SGSM3: variants seen among roughly 807,000 people sequenced by gnomAD.
SGSM3 encodes small G protein signaling modulator 3, also known as RUN and SH3 containing 3.
A neutral mutation model predicts 100.5 loss-of-function variants in SGSM3; 96 were observed. The observed-to-expected ratio is 0.96, with a 90% CI of 0.81 to 1.13. The LOEUF is 1.13. Ranked by LOEUF, SGSM3 falls within the 50% of genes most tolerant of loss-of-function variation. The probability of loss-of-function intolerance (pLI) is 0.00; values close to 1 mark genes in which losing one functional copy is unlikely to be tolerated. For missense variants in SGSM3, 1,001 were observed against 1,015.8 expected (o/e 0.99, Z 0.20); for synonymous variants, 483 against 422.8 (o/e 1.14, Z -1.75).
intron 1 of SGSM3, among the ~76,000 whole-genome samples, chr22:40,377,110 A>G (rs902137607): frequency 2.6e-5 from 4 of 152,198 alleles, no homozygotes; most frequent in African/African-American, 9.7e-5. Flanking sequence ...TAGTAGACAT[A>G]AGTTGTTTTG....
At chr22:40,406,323 C>G in intron 9 of SGSM3, 100 bp downstream of exon 9, 1 of 1,540,264 alleles carries the variant, frequency 6.5e-7, no homozygotes, top group Non-Finnish European at 8.8e-7. Flanking sequence ...GCCCCCTGGC[C>G]CCTGACAACT....
At position 40,409,997 on chromosome 22, in the gene SGSM3, T is replaced by TGAGGAGGTG; in HGVS notation, c.*240_*248dup. 1 of 1,330,036 alleles carries TGAGGAGGTG rather than the reference T, an allele frequency of 7.5e-7. No individual in the cohort carries two copies. Among genetic ancestry groups the TGAGGAGGTG allele is most frequent in the Non-Finnish European group, 9.6e-7 (1 of 1,046,052 alleles). 82.4% of individuals were successfully genotyped at this position (1,330,036 alleles called of 1,614,324 possible). On this transcript the variant is annotated 3_prime_UTR_variant, in exon 22 of 22. Transcript: ENST00000248929. ...ACCACAGTTTGTACCAAAAACCTTG[T>TGAGGAGGTG]GAGGAGGTGGGGGAGCCATGTCTGT...
At position 40,409,868 on chromosome 22, in the gene SGSM3, T is replaced by TATC; in HGVS notation, c.*111_*113dup. On this transcript the variant is annotated 3_prime_UTR_variant, in exon 22 of 22. Coordinates refer to ENST00000248929, the MANE Select transcript of SGSM3 (RefSeq NM_015705.6). The stretch of plus-strand genomic sequence containing the variant: ...CAGAGCCCTGGCCGGGGCCGCGGGA[T>TATC]ATCAATATCAGGCTGCCCCACTCCA... The TATC allele has an allele frequency of 6.8e-7, 1 of 1,466,116 alleles. No homozygotes were observed. The highest frequency in any genetic ancestry group is 1.4e-5 in the South Asian group (1 of 71,184). 90.8% of individuals were successfully genotyped at this position (1,466,116 alleles called of 1,614,324 possible). A position where few individuals can be genotyped will look rare whatever the true frequency, so the allele number is the denominator to read the frequency against.
chr22:40,381,444 C>T (rs375495692), intron 1 of SGSM3, among the ~76,000 whole-genome samples: 157 of 152,234 alleles, frequency 1.0e-3, no homozygotes, highest in Non-Finnish European at 1.9e-3. Context: ...CCACCATGCC[C>T]GGCTACAAGG....
Position 40,407,346 on chromosome 22 carries a change from T to C in SGSM3, c.1368+18T>C, listed in dbSNP as rs777504237. ...GCAGCGTGGTGAGTCGCCAGCTCCCTGGGCTGCTACCAAACACGGCCCTAA... is the reference window on the plus strand; with the variant it reads ...GCAGCGTGGTGAGTCGCCAGCTCCCCGGGCTGCTACCAAACACGGCCCTAA... On this transcript the variant is annotated intron_variant, in intron 12 of 21. Transcript: ENST00000248929. The surrounding 1 kb of genome is among the most constrained non-coding windows in gnomAD (Gnocchi z 4.7). The C allele has an allele frequency of 3.7e-6, 6 of 1,613,210 alleles. No homozygotes were observed. The highest frequency in any genetic ancestry group is 5.1e-6 in the Non-Finnish European group (6 of 1,179,780).
intron 4 of SGSM3, 103 bp from the exon 5 acceptor site, chr22:40,404,144 T>C: frequency 1.0e-6 from 1 of 974,144 alleles, no homozygotes; most frequent in East Asian, 2.6e-5. Flanking sequence ...AGAGCTGGCC[T>C]AGAGCCATGA....
rs1429527065 is a variant in SGSM3 at position 40,410,077 on chromosome 22, T to TTTATAAATAAACTGTGTCTGTC, written c.*321_*342dup. The TTTATAAATAAACTGTGTCTGTC allele has an allele frequency of 1.9e-3, 2,303 of 1,241,576 alleles. 5 individuals are homozygous for TTTATAAATAAACTGTGTCTGTC. The highest frequency in any genetic ancestry group is 2.2e-3 in the Non-Finnish European group (2,166 of 992,866). The allele number at this position is 1,241,576 out of a possible 1,614,324, so 76.9% of individuals were successfully genotyped here. A position where few individuals can be genotyped will look rare whatever the true frequency, so the allele number is the denominator to read the frequency against. On this transcript the variant is annotated 3_prime_UTR_variant, in exon 22 of 22. Coordinates refer to ENST00000248929, the MANE Select transcript of SGSM3 (RefSeq NM_015705.6). ...GCTAGTAGGCTCCTGGCCTCTTTGGTTTATAAATAAACTGTGTCTGTCTTT... is the reference window on the plus strand; with the variant it reads ...GCTAGTAGGCTCCTGGCCTCTTTGGTTTATAAATAAACTGTGTCTGTCTTATAAATAAACTGTGTCTGTCTTT...
At chr22:40,390,986 TA>T (rs1185612188) in intron 1 of SGSM3, among the ~76,000 whole-genome samples, 1 of 152,194 alleles carries the variant, frequency 6.6e-6, no homozygotes, top group Non-Finnish European at 1.5e-5. Flanking sequence ...CACATGTACA[TA>T]AATTATAGTA....
chr22:40,406,974 C>T (rs767035707), intron 10 of SGSM3, 43 bp from the exon 11 acceptor site: 4 of 1,549,246 alleles, frequency 2.6e-6, no homozygotes, highest in Admixed American at 2.0e-5. Flanking sequence ...GGTTCTCTTC[C>T]TCCCGGGGCC....
At chr22:40,405,590 C>T (rs1384664908) in intron 7 of SGSM3, 59 bp from the exon 8 acceptor site, 2 of 1,506,194 alleles carry the variant, frequency 1.3e-6, no homozygotes, top group Non-Finnish European at 1.8e-6. Flanking sequence ...GGTAGGGGCA[C>T]CTTTTCTAAT....
chr22:40,408,498 T>C, intron 16 of SGSM3, 69 bp downstream of exon 16: 1 of 1,600,496 alleles, frequency 6.2e-7, no homozygotes, highest in Non-Finnish European at 8.5e-7. Flanking sequence ...GTACCCATCT[T>C]AGGTCCTTCC....
intron 1 of SGSM3, chr22:40,379,264 T>A (rs5757933): frequency 6.6e-6 from 1 of 152,256 alleles, no homozygotes; most frequent in African/African-American, 2.4e-5. Context: ...CATATGTTGA[T>A]TGAATGAGTA....
intron 1 of SGSM3, chr22:40,378,168 G>T (rs2046968574): frequency 6.6e-6 from 1 of 152,242 alleles, no homozygotes; most frequent in African/African-American, 2.4e-5. Flanking sequence ...GGTGGCTCAT[G>T]CCTGTAATTC....
chr22:40,406,859 A>G, intron 10 of SGSM3, 158 bp from the exon 11 acceptor site: 1 of 906,024 alleles, frequency 1.1e-6, no homozygotes, highest in Non-Finnish European at 1.7e-6. Context: ...TGATCCTGGC[A>G]CGGTTTGGGA....
chr22:40,406,457 C>CA lies in SGSM3; in HGVS notation c.981dup (p.Glu328ArgfsTer90), dbSNP rs754440220. 316 of 1,590,960 alleles carry CA rather than the reference C, an allele frequency of 2.0e-4. No individual in the cohort carries two copies. Among genetic ancestry groups the CA allele is most frequent in the Admixed American group, 1.7e-4 (10 of 58,838 alleles). ...GCCCAGGAGGAAGAGCTGATCCAGT[C>CA]AGAGAACTCGGCCTCCATCTTCAAC... On this transcript the variant is annotated frameshift_variant, in exon 10 of 22. Coordinates refer to ENST00000248929, the MANE Select transcript of SGSM3 (RefSeq NM_015705.6). LOFTEE classifies it high-confidence loss of function.
intron 1 of SGSM3, among the ~76,000 whole-genome samples, chr22:40,386,500 A>C (rs2048465806): frequency 6.7e-6 from 1 of 149,354 alleles, no homozygotes; most frequent in African/African-American, 2.5e-5. Flanking sequence ...TAGAAATCAG[A>C]GACTTCTGGT....
At chr22:40,406,249 G>C in intron 9 of SGSM3, 26 bp downstream of exon 9, 1 of 1,612,632 alleles carries the variant, frequency 6.2e-7, no homozygotes. Flanking sequence ...ACTTCAGGCT[G>C]AGGAGTAGGC....
At chr22:40,399,863 C>T (rs1457433708) in intron 1 of SGSM3, among the ~76,000 whole-genome samples, 2 of 152,210 alleles carry the variant, frequency 1.3e-5, no homozygotes, top group African/African-American at 4.8e-5. Flanking sequence ...CTGTAACAGT[C>T]AGGAATGTTC....
rs1432273879 is a variant in SGSM3, at chr22:40,409,813, C to T, written c.*54C>T. 8 of 1,576,804 alleles carry T rather than the reference C, an allele frequency of 5.1e-6. No homozygotes were observed. The highest frequency in any genetic ancestry group is 6.9e-6 in the Non-Finnish European group (8 of 1,166,490). ...CTGCGTCTGAGGTGGCCCAGGACCC[C>T]AAGCTGCAGAGCCCAGGGAAGAGCA... On this transcript the variant is annotated 3_prime_UTR_variant, in exon 22 of 22. Transcript: ENST00000248929.
Sources: allele counts gnomAD v4.1 joint callset (sites outside exome capture counted in the v4.1 genomes callset), GRCh38; gene constraint gnomAD v4.1.1; non-coding constraint Gnocchi (gnomAD v3.1); transcripts MANE v1.5; gene names NCBI Gene and HGNC (gene_info 2026-07-23, HGNC 2026-07-21).